LPCAT3: variants seen among roughly 807,000 people sequenced by gnomAD.
LPCAT3 encodes lysophosphatidylcholine acyltransferase 3.
Under a neutral mutation model 63.4 loss-of-function variants are expected in LPCAT3, and 21 were observed. The ratio of observed to expected loss-of-function variants is 0.33; its 90% CI spans 0.23 to 0.48. LPCAT3 has a LOEUF of 0.48. LPCAT3 is among the 20% of genes least tolerant of loss of function. The pLI, the probability that LPCAT3 is intolerant of heterozygous loss-of-function variation, is 0.99. For synonymous variants in LPCAT3, 242 were observed against 227.5 expected (o/e 1.06, Z -0.58); for missense variants, 451 against 590.6 (o/e 0.76, Z 2.45).
chr12:6,995,573 T>G (rs1403704282), intron 1 of LPCAT3, among the ~76,000 whole-genome samples: 1 of 152,170 alleles, frequency 6.6e-6, no homozygotes, highest in East Asian at 1.9e-4. Flanking sequence ...TCACCATCAC[T>G]GTCACCATGA....
chr12:7,015,297 G>C (rs1285704166), intron 1 of LPCAT3, among the ~76,000 whole-genome samples: 2 of 152,156 alleles, frequency 1.3e-5, no homozygotes, highest in Non-Finnish European at 2.9e-5. Context: ...TTTTTAACCT[G>C]AATTAATCTA....
chr12:6,979,506 T>C lies in LPCAT3; in HGVS notation c.751A>G (p.Ile251Val), dbSNP rs1555153787. The change falls in exon 7 of 13, where the codon ATC becomes GTC. Residue 251 changes from isoleucine (I) to valine (V), a missense_variant. Physicochemically the swap from Ile to Val is conservative, Grantham distance 29. Coordinates refer to ENST00000261407, the MANE Select transcript of LPCAT3 (RefSeq NM_005768.6). The stretch of plus-strand genomic sequence containing the variant: ...TCAGTGAGGAGATAGTCTTCTGTGA[T>C]GTGGGGGCTGAGCAGTGTGTAGCCC... ...LVGYTLLSPH[I>V]TEDYLLTEDY... 6.2e-7 allele frequency: 1 copy of C among 1,614,014 alleles called. No individual in the cohort carries two copies. The highest frequency in any genetic ancestry group is 1.7e-5 in the Admixed American group (1 of 60,018).
chr12:7,003,662 C>T (rs1404325198), intron 1 of LPCAT3, among the ~76,000 whole-genome samples: 18 of 151,970 alleles, frequency 1.2e-4, no homozygotes, highest in Admixed American at 1.2e-3. Context: ...GTGGCTCACG[C>T]CTGTAATCCC....
Position 6,979,494 on chromosome 12 carries a change from A to G in LPCAT3, c.763T>C (p.Tyr255His). Residue 255 changes from tyrosine to histidine, a missense_variant, in exon 7 of 13, where the codon TAT (tyrosine) becomes CAT (histidine). Tyr to His is a moderately conservative substitution (Grantham distance 83). This residue lies in a region of LPCAT3 where 304 missense variants were observed against 390.8 expected (regional missense o/e 0.78). Coordinates refer to ENST00000261407, the MANE Select transcript of LPCAT3 (RefSeq NM_005768.6). Reference sequence around the variant, plus strand: ...ACGTCATAGTCTTCAGTGAGGAGATAGTCTTCTGTGATGTGGGGGCTGAGC... The same window carrying G: ...ACGTCATAGTCTTCAGTGAGGAGATGGTCTTCTGTGATGTGGGGGCTGAGC... ...TLLSPHITEDYLLTEDYDNHP... is the reference protein window; with the variant it reads ...TLLSPHITEDHLLTEDYDNHP... 1 of 1,613,358 alleles carries G rather than the reference A, an allele frequency of 6.2e-7. No individual in the cohort carries two copies. The highest frequency in any genetic ancestry group is 8.5e-7 in the Non-Finnish European group (1 of 1,179,284).
At chr12:7,011,924 C>A (rs781858781) in intron 1 of LPCAT3, among the ~76,000 whole-genome samples, 1 of 152,244 alleles carries the variant, frequency 6.6e-6, no homozygotes, top group East Asian at 1.9e-4. Context: ...CCTTTGGTCT[C>A]TTTATATTGT....
At chr12:7,001,567 G>A in intron 1 of LPCAT3, 1 of 452,960 alleles carries the variant, frequency 2.2e-6, no homozygotes. Flanking sequence ...GTGTTGGTAG[G>A]ATCCTGGCTG....
At chr12:7,012,169 C>T (rs12230883) in intron 1 of LPCAT3, among the ~76,000 whole-genome samples, 1 of 152,238 alleles carries the variant, frequency 6.6e-6, no homozygotes, top group Admixed American at 6.5e-5. Flanking sequence ...CTAGGGAACA[C>T]TCACAGTAAG....
chr12:6,977,837 G>A lies in LPCAT3; in HGVS notation c.1041-92C>T, dbSNP rs1946425556. On this transcript the variant is annotated intron_variant, in intron 9 of 12. Coordinates refer to ENST00000261407, the MANE Select transcript of LPCAT3 (RefSeq NM_005768.6). The surrounding 1 kb of genome is among the most constrained non-coding windows in gnomAD (Gnocchi z 4.5). ...GGGTCCTCACCCTGAGGATTGGATT[G>A]GAGTGCTGGTGGGTTCCCACGTGTA... is the stretch of plus-strand genomic sequence containing the variant. The A allele has an allele frequency of 6.6e-7, 1 of 1,505,694 alleles. No individual in the cohort carries two copies. Among genetic ancestry groups the A allele is most frequent in the South Asian group, 1.2e-5 (1 of 83,772 alleles). 93.3% of individuals were successfully genotyped at this position (1,505,694 alleles called of 1,614,324 possible). A position where few individuals can be genotyped will look rare whatever the true frequency, so the allele number is the denominator to read the frequency against.
rs1461795373 is a variant in LPCAT3 at position 6,985,117 on chromosome 12, C to T, written c.152-1578G>A. Among the ~76,000 whole-genome samples, 6 of 141,682 alleles carry T rather than the reference C, an allele frequency of 4.2e-5. No homozygotes were observed. The East Asian group carries it at 1.2e-3, about 29-fold the overall frequency. The allele number at this position is 141,682 out of a possible 152,430, so 92.9% of individuals were successfully genotyped here. A position where few individuals can be genotyped will look rare whatever the true frequency, so the allele number is the denominator to read the frequency against. On this transcript the variant is annotated intron_variant, in intron 1 of 12. Coordinates refer to ENST00000261407, the MANE Select transcript of LPCAT3 (RefSeq NM_005768.6). ...AAAAAAAAAAAAAAAAAAGGCTGGG[C>T]GCGGTGGCTCATGCCTGTAATCCCA...
At position 6,977,026 on chromosome 12, in the gene LPCAT3, G is replaced by A. The variant is rs1235932658; in HGVS notation, c.*12+108C>T. Reference sequence around the variant, plus strand: ...CCCATACTGTGTTCCTTAGTAGCCAGGCTAATCCTTGGAATTCACCCCAGA... The same window carrying A: ...CCCATACTGTGTTCCTTAGTAGCCAAGCTAATCCTTGGAATTCACCCCAGA... On this transcript the variant is annotated intron_variant, in intron 12 of 12. Coordinates refer to ENST00000261407, the MANE Select transcript of LPCAT3 (RefSeq NM_005768.6). The surrounding 1 kb of genome is among the most constrained non-coding windows in gnomAD (Gnocchi z 4.5). 2.7e-6 allele frequency: 2 copies of A among 745,376 alleles called. No homozygotes were observed. The highest frequency in any genetic ancestry group is 3.4e-5 in the African/African-American group (2 of 58,274). 46.2% of individuals were successfully genotyped at this position (745,376 alleles called of 1,614,324 possible).
At chr12:7,007,563 C>T (rs1232872401) in intron 1 of LPCAT3, among the ~76,000 whole-genome samples, 1 of 144,496 alleles carries the variant, frequency 6.9e-6, no homozygotes, top group African/African-American at 2.6e-5. Flanking sequence ...GGTACGATCT[C>T]GGCTCACTGC....
At chr12:6,981,268 C>T (rs1289907012) in intron 5 of LPCAT3, 86 bp from the exon 6 acceptor site, 1 of 1,121,158 alleles carries the variant, frequency 8.9e-7, no homozygotes, top group Admixed American at 2.3e-5. Context: ...CTGTGTGCCC[C>T]ACTGACTGGG....
chr12:6,983,635 G>C (rs1555154446), intron 1 of LPCAT3, 96 bp from the exon 2 acceptor site: 1 of 729,088 alleles, frequency 1.4e-6, no homozygotes, highest in Admixed American at 2.6e-5. Context: ...AGCCCAGAGG[G>C]AGAGAGAAAA....
chr12:7,010,190 T>C (rs141163649), intron 1 of LPCAT3, among the ~76,000 whole-genome samples: 101 of 152,368 alleles, frequency 6.6e-4, no homozygotes, highest in African/African-American at 2.2e-3. Flanking sequence ...TCTATTGTTC[T>C]GGTTAAAGAG....
chr12:7,000,544 C>T lies in LPCAT3; in HGVS notation c.152-17005G>A, dbSNP rs1335489995. On this transcript the variant is annotated intron_variant, in intron 1 of 12. Transcript: ENST00000261407. ...CAGAGCTTGCAGTGAGCCGAGATCA[C>T]GCCACTGCACTCCAGCCTGGGAGAC... is the stretch of plus-strand genomic sequence containing the variant. Among the ~76,000 whole-genome samples, 284 of 135,034 alleles carry T rather than the reference C, an allele frequency of 2.1e-3. 2 individuals are homozygous for T. The highest frequency in any genetic ancestry group is 7.4e-3 in the African/African-American group (266 of 35,708). 88.6% of individuals were successfully genotyped at this position (135,034 alleles called of 152,430 possible). A position where few individuals can be genotyped will look rare whatever the true frequency, so the allele number is the denominator to read the frequency against.
chr12:6,983,971 C>T (rs1233691987), intron 1 of LPCAT3, among the ~76,000 whole-genome samples: 4 of 152,110 alleles, frequency 2.6e-5, no homozygotes, highest in Non-Finnish European at 4.4e-5. Flanking sequence ...AGCGAAACCC[C>T]GTCTCTATTA....
At chr12:6,998,291 C>T (rs1946655199) in intron 1 of LPCAT3, among the ~76,000 whole-genome samples, 1 of 152,230 alleles carries the variant, frequency 6.6e-6, no homozygotes, top group South Asian at 2.1e-4. Context: ...ATTGGCATTA[C>T]AGGTGTGAGC....
chr12:7,010,388 C>A (rs1400011705), intron 1 of LPCAT3, among the ~76,000 whole-genome samples: 4 of 152,194 alleles, frequency 2.6e-5, no homozygotes, highest in Admixed American at 6.5e-5. Context: ...ATGTCACTTT[C>A]TTTCAGAAGA....
intron 1 of LPCAT3, among the ~76,000 whole-genome samples, chr12:6,991,114 T>G (rs1444917424): frequency 3.3e-5 from 5 of 152,168 alleles, no homozygotes; most frequent in Non-Finnish European, 7.3e-5. Context: ...GTTTTACATT[T>G]TCATAAATTT....
Sources: allele counts gnomAD v4.1 joint callset (sites outside exome capture counted in the v4.1 genomes callset), GRCh38; gene constraint gnomAD v4.1.1; regional missense constraint gnomAD v4.1.1; non-coding constraint Gnocchi (gnomAD v3.1); transcripts MANE v1.5; gene names NCBI Gene and HGNC (gene_info 2026-07-23, HGNC 2026-07-21).